MSI2: variants seen among roughly 807,000 people sequenced by gnomAD.
MSI2 encodes RNA-binding protein Musashi homolog 2.
In MSI2, 17 loss-of-function variants were observed where a neutral mutation model predicts 45.6. The ratio of observed to expected loss-of-function variants is 0.37; its 90% CI spans 0.26 to 0.56. The LOEUF is 0.56. Ranked by LOEUF, MSI2 falls within the 20% of genes least tolerant of loss-of-function variation. The pLI is 0.77. For synonymous variants in MSI2, 156 were observed against 158.2 expected (o/e 0.99, Z 0.11); for missense variants, 293 against 444.2 (o/e 0.66, Z 3.06).
At chr17:57,476,616 G>A (rs1027859132) in intron 6 of MSI2, among the ~76,000 whole-genome samples, 10 of 152,198 alleles carry the variant, frequency 6.6e-5, no homozygotes, top group Non-Finnish European at 4.4e-5. Flanking sequence ...CAAGGATACC[G>A]GTTGATTCAG....
chr17:57,635,595 T>C (rs1486561393), intron 10 of MSI2, among the ~76,000 whole-genome samples: 1 of 152,268 alleles, frequency 6.6e-6, no homozygotes, highest in African/African-American at 2.4e-5. Flanking sequence ...AGCTAACGTG[T>C]CATGGCTTGG....
intron 10 of MSI2, chr17:57,632,094 G>C: frequency 7.9e-7 from 1 of 1,270,992 alleles, no homozygotes; most frequent in East Asian, 3.2e-5. Context: ...TCCTCAGAAT[G>C]TAACGGGGCC....
chr17:57,303,291 A>G (rs1911579403), intron 5 of MSI2, among the ~76,000 whole-genome samples: 1 of 152,230 alleles, frequency 6.6e-6, no homozygotes, highest in African/African-American at 2.4e-5. Context: ...GGAAGGGGAA[A>G]AAAAAGTTAT....
intron 5 of MSI2, among the ~76,000 whole-genome samples, chr17:57,332,550 T>C (rs1253292787): frequency 1.3e-5 from 2 of 152,258 alleles, no homozygotes; most frequent in African/African-American, 4.8e-5. Context: ...GTTTTATGCT[T>C]CTTGTTGTTA....
At chr17:57,549,377 C>G (rs919671256) in intron 7 of MSI2, among the ~76,000 whole-genome samples, 3 of 146,364 alleles carry the variant, frequency 2.0e-5, no homozygotes, top group Non-Finnish European at 3.0e-5. Flanking sequence ...GGGCTGCTGT[C>G]CGGCAACTAA....
rs1913505697 is a variant in MSI2, at chr17:57,680,043, C to G, written c.*526C>G. 3 of 228,272 alleles carry G rather than the reference C, an allele frequency of 1.3e-5. No homozygotes were observed. The Admixed American group carries it at 1.7e-4, about 13-fold the overall frequency. 14.1% of individuals were successfully genotyped at this position (228,272 alleles called of 1,614,324 possible). On this transcript the variant is annotated 3_prime_UTR_variant, in exon 14 of 14. Coordinates refer to ENST00000284073, the MANE Select transcript of MSI2 (RefSeq NM_138962.4). ...CCATATTTTGGTACCAATTCTGAGA[C>G]TGTATGAATTTTCAGGTGGAACTTT...
intron 6 of MSI2, among the ~76,000 whole-genome samples, chr17:57,462,621 A>G (rs534572198): frequency 1.3e-5 from 2 of 152,344 alleles, no homozygotes; most frequent in African/African-American, 4.8e-5. Context: ...CTATCGATCA[A>G]AAAATATTCC....
the MSI2 span, among the ~76,000 whole-genome samples, chr17:57,701,047 C>T: frequency 6.6e-6 from 1 of 152,084 alleles, no homozygotes; most frequent in African/African-American, 2.4e-5. Context: ...GGCCCAAGAG[C>T]CCCAGACAGA....
chr17:57,663,444 C>T (rs965880463), intron 11 of MSI2, among the ~76,000 whole-genome samples: 6 of 152,166 alleles, frequency 3.9e-5, no homozygotes, highest in Non-Finnish European at 5.9e-5. Context: ...AAAGGCACCC[C>T]AGCCCCGCTC....
chr17:57,377,372 C>T (rs1221636967), intron 5 of MSI2, among the ~76,000 whole-genome samples: 6 of 152,244 alleles, frequency 3.9e-5, no homozygotes, highest in Non-Finnish European at 8.8e-5. Context: ...TGCCCTGTTA[C>T]ATCACCTCAT....
intron 5 of MSI2, among the ~76,000 whole-genome samples, chr17:57,301,525 T>C (rs1911419310): frequency 6.6e-6 from 1 of 152,280 alleles, no homozygotes; most frequent in Non-Finnish European, 1.5e-5. Flanking sequence ...TTCCCGGTTT[T>C]ACCTGCCTGC....
At position 57,675,501 on chromosome 17, in the gene MSI2, G is replaced by A. The variant is rs73994139; in HGVS notation, c.945+375G>A. Among the ~76,000 whole-genome samples, 822 of 152,314 alleles carry A rather than the reference G, an allele frequency of 5.4e-3. 8 individuals carry two copies. The highest frequency in any genetic ancestry group is 0.018 in the African/African-American group (761 of 41,570). On this transcript the variant is annotated intron_variant, in intron 12 of 13. Transcript: ENST00000284073. Reference sequence around the variant, plus strand: ...AGGATTATTCGAAACAGTGTCCCACGCTGGCACGTAATAGGGCCTCAGTAG... The same window carrying A: ...AGGATTATTCGAAACAGTGTCCCACACTGGCACGTAATAGGGCCTCAGTAG...
chr17:57,431,897 G>A (rs747449632), intron 6 of MSI2, among the ~76,000 whole-genome samples: 3 of 152,192 alleles, frequency 2.0e-5, no homozygotes, highest in Non-Finnish European at 2.9e-5. Context: ...ACACCCCCTT[G>A]CAGCACAGAC....
At chr17:57,387,346 C>T (rs2083704359) in intron 5 of MSI2, among the ~76,000 whole-genome samples, 1 of 152,002 alleles carries the variant, frequency 6.6e-6, no homozygotes, top group African/African-American at 2.4e-5. Flanking sequence ...TCTGTTTATC[C>T]CTCTGGAAAA....
intron 5 of MSI2, among the ~76,000 whole-genome samples, chr17:57,388,268 T>C (rs897254735): frequency 3.3e-5 from 5 of 152,220 alleles, no homozygotes; most frequent in African/African-American, 4.8e-5. Flanking sequence ...AGGAAGTTAC[T>C]TGTGGAGGTT....
downstream of MSI2, among the ~76,000 whole-genome samples, chr17:57,688,974 A>G (rs544495729): frequency 4.6e-5 from 7 of 152,366 alleles, no homozygotes; most frequent in Admixed American, 2.6e-4. Flanking sequence ...AATAATAATT[A>G]CATCTCGACT....
Position 57,262,206 on chromosome 17 carries a change from T to C in MSI2, c.312+14T>C. The C allele has an allele frequency of 1.2e-6, 2 of 1,613,862 alleles. No individual in the cohort carries two copies. The highest frequency in any genetic ancestry group is 2.2e-5 in the South Asian group (2 of 91,048). On this transcript the variant is annotated intron_variant, in intron 5 of 13. Transcript: ENST00000284073. ...GCGCAACCCAAGGTAAGTAGGAGAA[T>C]AAACAGTAGGATTTTAGCACTCAGA...
intron 11 of MSI2, among the ~76,000 whole-genome samples, chr17:57,673,795 ACTCT>A (rs1403454889): frequency 4.6e-5 from 7 of 151,544 alleles, no homozygotes; most frequent in African/African-American, 1.7e-4. Flanking sequence ...TGTCAAGTCC[ACTCT>A]CTCTGTAGCA....
At position 57,407,206 on chromosome 17, in the gene MSI2, G is replaced by A. The variant is rs1030425324; in HGVS notation, c.405+5735G>A. 6.6e-6 allele frequency among the ~76,000 whole-genome samples: 1 copy of A among 152,010 alleles called. No homozygotes were observed. The highest frequency in any genetic ancestry group is 2.1e-4 in the South Asian group (1 of 4,818). On this transcript the variant is annotated intron_variant, in intron 6 of 13. Coordinates refer to ENST00000284073, the MANE Select transcript of MSI2 (RefSeq NM_138962.4). This position sits in a 1 kb window ranked among gnomAD's most constrained non-coding sequence, Gnocchi z 4.1. ...TGTAATGAGACCTTCCCGTTTATCC[G>A]GCCAGCGTGGGCGATTGTGGGTGAG...
Sources: allele counts gnomAD v4.1 joint callset (sites outside exome capture counted in the v4.1 genomes callset), GRCh38; gene constraint gnomAD v4.1.1; non-coding constraint Gnocchi (gnomAD v3.1); transcripts MANE v1.5; gene names NCBI Gene and HGNC (gene_info 2026-07-23, HGNC 2026-07-21).